Variants in PLXDC2 observed in about 807,000 individuals in gnomAD.
The protein encoded by PLXDC2 is plexin domain containing 2.
Under a neutral mutation model 68.9 loss-of-function variants are expected in PLXDC2, and 40 were observed. The ratio of observed to expected loss-of-function variants is 0.58; its 90% confidence interval spans 0.45 to 0.76. The LOEUF is 0.76. Ranked by LOEUF, PLXDC2 falls within the 30% of genes least tolerant of loss-of-function variation. PLXDC2 has a pLI of 0.00. For synonymous variants in PLXDC2, 243 were observed against 234.2 expected, an observed-to-expected ratio of 1.04 and a Z score of -0.34; for missense variants, 644 against 661.9, an observed-to-expected ratio of 0.97 and a Z score of 0.30.
intron 6 of PLXDC2, among the ~76,000 whole-genome samples, chr10:20,154,128 T>C (rs893844238): frequency 6.6e-5 from 10 of 152,188 alleles, no homozygotes; most frequent in Non-Finnish European, 1.5e-4. Context: ...TATTAGTAAT[T>C]AGCTATAACC....
intron 2 of PLXDC2, among the ~76,000 whole-genome samples, chr10:20,018,199 C>T (rs1835246012): frequency 6.6e-6 from 1 of 152,178 alleles, no homozygotes; most frequent in Non-Finnish European, 1.5e-5. Context: ...GCAAATGACT[C>T]ATCACCTTCC....
chr10:19,972,148 C>T (rs1834364992), intron 1 of PLXDC2, among the ~76,000 whole-genome samples: 1 of 152,122 alleles, frequency 6.6e-6, no homozygotes, highest in Non-Finnish European at 1.5e-5. Flanking sequence ...AATTTAGAGC[C>T]AGTATACATT....
In PLXDC2 at chr10:20,172,321, G is replaced by T. The variant is rs191950314; in HGVS notation, c.884-4678G>T. On this transcript the variant is annotated intron_variant, in intron 7 of 13. Coordinates refer to ENST00000377252, the MANE Select transcript of PLXDC2 (RefSeq NM_032812.9). The stretch of plus-strand genomic sequence containing the variant: ...TCCCATAAGTCTCAGGAGCAGGGAG[G>T]CATGTTCCCCTGCAAAAACACCAGG... 2.8e-3 allele frequency among the ~76,000 whole-genome samples: 421 copies of T among 151,718 alleles called. 2 individuals are homozygous for T. Among genetic ancestry groups the T allele is most frequent in the Non-Finnish European group, 1.9e-3 (126 of 67,950 alleles).
At chr10:19,920,739 G>A (rs1037454234) in intron 1 of PLXDC2, among the ~76,000 whole-genome samples, 3 of 151,928 alleles carry the variant, frequency 2.0e-5, no homozygotes, top group African/African-American at 7.3e-5. Flanking sequence ...TGTATTTTTT[G>A]TAGAGACAGG....
At chr10:20,193,811 A>G (rs571671995) in intron 9 of PLXDC2, among the ~76,000 whole-genome samples, 1 of 152,196 alleles carries the variant, frequency 6.6e-6, no homozygotes, top group Admixed American at 6.6e-5. Context: ...TGTCTTTAAT[A>G]AGACATAGAA....
intron 4 of PLXDC2, among the ~76,000 whole-genome samples, chr10:20,128,001 G>A (rs1350301540): frequency 6.6e-6 from 1 of 152,184 alleles, no homozygotes; most frequent in East Asian, 1.9e-4. Flanking sequence ...TCCCAAATGG[G>A]TTATGTAGGC....
intron 1 of PLXDC2, among the ~76,000 whole-genome samples, chr10:19,985,848 G>A (rs1395735577): frequency 1.3e-5 from 2 of 152,180 alleles, no homozygotes; most frequent in Admixed American, 1.3e-4. Context: ...CCTCCTTAGA[G>A]TAAAATCCAA....
intron 1 of PLXDC2, among the ~76,000 whole-genome samples, chr10:19,837,178 A>G (rs1836809303): frequency 6.6e-6 from 1 of 152,000 alleles, no homozygotes; most frequent in Non-Finnish European, 1.5e-5. Context: ...CACCTGTAAC[A>G]TGTTACCCAG....
chr10:20,173,367 G>A (rs1834475411), intron 7 of PLXDC2, among the ~76,000 whole-genome samples: 1 of 152,124 alleles, frequency 6.6e-6, no homozygotes, highest in Non-Finnish European at 1.5e-5. Flanking sequence ...TATAGTCTCT[G>A]TGTGAATGTT....
chr10:20,139,664 C>G (rs1833975307), intron 4 of PLXDC2, among the ~76,000 whole-genome samples: 1 of 152,164 alleles, frequency 6.6e-6, no homozygotes, highest in Non-Finnish European at 1.5e-5. Context: ...CCATGGAATA[C>G]TATGCAGCCA....
intron 1 of PLXDC2, among the ~76,000 whole-genome samples, chr10:19,935,862 C>T (rs1225876329): frequency 1.3e-5 from 2 of 152,154 alleles, no homozygotes; most frequent in Non-Finnish European, 2.9e-5. Context: ...TCTAGTACAA[C>T]CATCAGAAGA....
intron 13 of PLXDC2, among the ~76,000 whole-genome samples, chr10:20,273,242 T>A (rs545501695): frequency 6.6e-6 from 1 of 152,236 alleles, no homozygotes; most frequent in Non-Finnish European, 1.5e-5. Context: ...TCCCGTTTTT[T>A]ATGGCAATAT....
intron 9 of PLXDC2, among the ~76,000 whole-genome samples, chr10:20,186,387 A>C (rs370115313): frequency 1.9e-4 from 29 of 151,978 alleles, no homozygotes; most frequent in East Asian, 9.7e-4. Context: ...ACTACATGAG[A>C]TTCTTTCTCT....
chr10:19,936,118 G>C (rs1015794445), intron 1 of PLXDC2, among the ~76,000 whole-genome samples: 1 of 152,098 alleles, frequency 6.6e-6, no homozygotes, highest in East Asian at 1.9e-4. Context: ...TTTGCATATA[G>C]AAAAATTACA....
intron 1 of PLXDC2, among the ~76,000 whole-genome samples, chr10:19,905,560 A>G (rs1208016275): frequency 2.0e-5 from 3 of 152,086 alleles, no homozygotes; most frequent in Non-Finnish European, 4.4e-5. Context: ...GAAAGGTGGC[A>G]GGACTGGTGA....
chr10:19,908,169 T>G (rs939438518), intron 1 of PLXDC2, among the ~76,000 whole-genome samples: 6 of 152,194 alleles, frequency 3.9e-5, no homozygotes, highest in African/African-American at 1.2e-4. Flanking sequence ...TTTTCATTGT[T>G]ATTATACCAC....
intron 9 of PLXDC2, among the ~76,000 whole-genome samples, chr10:20,207,502 G>T (rs912982534): frequency 4.6e-5 from 7 of 152,196 alleles, no homozygotes; most frequent in African/African-American, 7.2e-5. Context: ...CGTGCTTTAA[G>T]AACGATCTGT....
At chr10:19,849,004 A>C (rs1837065251) in intron 1 of PLXDC2, among the ~76,000 whole-genome samples, 1 of 152,130 alleles carries the variant, frequency 6.6e-6, no homozygotes, top group Non-Finnish European at 1.5e-5. Flanking sequence ...TATCCTATTA[A>C]TATTTTGTGT....
chr10:19,986,336 T>C (rs946787038), intron 1 of PLXDC2, among the ~76,000 whole-genome samples: 12 of 152,108 alleles, frequency 7.9e-5, no homozygotes, highest in African/African-American at 2.9e-4. Context: ...AATTTACATA[T>C]AAATAGAAAA....
Sources: gnomAD v4.1 joint callset for allele counts (sites outside exome capture counted in the v4.1 genomes callset) on GRCh38, gnomAD v4.1.1 for gene constraint, MANE v1.5 for transcripts, NCBI Gene and HGNC (gene_info 2026-07-23, HGNC 2026-07-21) for gene names.